KAT7: variants seen among roughly 807,000 people sequenced by gnomAD.
KAT7 encodes lysine acetyltransferase 7.
Under a neutral mutation model 82.1 loss-of-function variants are expected in KAT7, and 10 were observed. The observed-to-expected ratio is 0.12, with a 90% CI of 0.08 to 0.21. KAT7 has a LOEUF of 0.21. Ranked by LOEUF, KAT7 falls within the 10% of genes least tolerant of loss-of-function variation. The pLI is 1.00. For synonymous variants in KAT7, 250 were observed against 262.5 expected (o/e 0.95, Z 0.46); for missense variants, 378 against 760.9 (o/e 0.50, Z 5.92).
In KAT7 at chr17:49,832,147, G is replaced by A. The variant is rs1487920580; in HGVS notation, c.*4645G>A. ...ATTTTTGTATTTTTAGTAGAGATGA[G>A]GTTTTGCCCTGTTGGCTAGGTTGGT... On this transcript the variant is annotated 3_prime_UTR_variant, in exon 15 of 15. Transcript: ENST00000259021. 6.6e-6 allele frequency: 1 copy of A among 151,682 alleles called. No homozygotes were observed. Among genetic ancestry groups the A allele is most frequent in the Non-Finnish European group, 1.5e-5 (1 of 68,022 alleles). 9.4% of individuals were successfully genotyped at this position (151,682 alleles called of 1,614,324 possible). A position where few individuals can be genotyped will look rare whatever the true frequency, so the allele number is the denominator to read the frequency against.
At position 49,791,747 on chromosome 17, in the gene KAT7, G is replaced by A. The variant is rs1010761060; in HGVS notation, c.16-139G>A. On this transcript the variant is annotated intron_variant, in intron 1 of 14. Transcript: ENST00000259021. Reference sequence around the variant, plus strand: ...AGTGAAGTTGCCTGAGGGGGTGGGAGGATGAGAAATGCTTGTGGAATCCTT... The same window carrying A: ...AGTGAAGTTGCCTGAGGGGGTGGGAAGATGAGAAATGCTTGTGGAATCCTT... 3.9e-6 allele frequency: 3 copies of A among 764,018 alleles called. No individual in the cohort carries two copies. The Admixed American group carries it at 6.6e-5, about 17-fold the overall frequency. The allele number at this position is 764,018 out of a possible 1,614,324, so 47.3% of individuals were successfully genotyped here.
At chr17:49,827,185 G>A (rs1030715643) in intron 14 of KAT7, 13 of 544,824 alleles carry the variant, frequency 2.4e-5, no homozygotes, top group Non-Finnish European at 4.2e-5. Context: ...AATAAAGGTC[G>A]GTGAGCGATG....
rs545399595 is a variant in KAT7, at chr17:49,805,148, A to G, written c.581-215A>G. Among the ~76,000 whole-genome samples the G allele has an allele frequency of 4.6e-4, 70 of 152,334 alleles. No individual in the cohort carries two copies. In the South Asian group the frequency reaches 0.014, roughly 31 times the overall value. On this transcript the variant is annotated intron_variant, in intron 4 of 14. Transcript: ENST00000259021. ...AAGAATTATAGTTTATATTGATCAT[A>G]CATAAGCATGTTCAAAGACTGCCAG...
At chr17:49,822,946 ACTCT>A (rs2074324369) in intron 11 of KAT7, among the ~76,000 whole-genome samples, 1 of 152,000 alleles carries the variant, frequency 6.6e-6, no homozygotes, top group African/African-American at 2.4e-5. Context: ...TTCTTGCCCT[ACTCT>A]GTGGCTGTCA....
chr17:49,819,344 C>T (rs565688507), intron 9 of KAT7, among the ~76,000 whole-genome samples: 14 of 152,074 alleles, frequency 9.2e-5, no homozygotes, highest in African/African-American at 2.9e-4. Flanking sequence ...TGATTGGCGG[C>T]GATTGGTAGA....
chr17:49,826,242 C>A, intron 13 of KAT7, 96 bp downstream of exon 13: 2 of 1,259,218 alleles, frequency 1.6e-6, no homozygotes, highest in Non-Finnish European at 2.3e-6. Flanking sequence ...GGAAGGCCCA[C>A]TGAATATGGA....
At chr17:49,798,187 C>G in intron 3 of KAT7, 132 bp from the exon 4 acceptor site, 1 of 742,970 alleles carries the variant, frequency 1.3e-6, no homozygotes, top group Non-Finnish European at 2.2e-6. Context: ...ATTTAGCCAT[C>G]TAGCAGATGA....
In KAT7 at chr17:49,811,083, A is replaced by T. The variant is rs528059098; in HGVS notation, c.754-393A>T. 6.6e-5 allele frequency among the ~76,000 whole-genome samples: 10 copies of T among 151,226 alleles called. No individual in the cohort carries two copies. The East Asian group carries it at 1.9e-3, about 29-fold the overall frequency. ...TTTCTGGCATTTTTTTCTCTTTAAA[A>T]TTTTTTTACATGTTTTGGTACCTTC... On this transcript the variant is annotated intron_variant, in intron 6 of 14. Coordinates refer to ENST00000259021, the MANE Select transcript of KAT7 (RefSeq NM_007067.5).
chr17:49,804,468 G>A (rs539218609), intron 4 of KAT7, among the ~76,000 whole-genome samples: 132 of 151,886 alleles, frequency 8.7e-4, no homozygotes, highest in Non-Finnish European at 1.6e-3. Flanking sequence ...ACATTTTTAC[G>A]TCTTCAGAAG....
At chr17:49,792,996 A>G (rs2073909553) in intron 2 of KAT7, among the ~76,000 whole-genome samples, 1 of 152,004 alleles carries the variant, frequency 6.6e-6, no homozygotes, top group Non-Finnish European at 1.5e-5. Flanking sequence ...TGTTTTTTGT[A>G]GAGATGAGGT....
At chr17:49,799,321 C>T (rs1486343676) in intron 4 of KAT7, among the ~76,000 whole-genome samples, 3 of 152,274 alleles carry the variant, frequency 2.0e-5, no homozygotes, top group Non-Finnish European at 2.9e-5. Flanking sequence ...TTTGAAAAAC[C>T]GTAGAACAGA....
intron 12 of KAT7, among the ~76,000 whole-genome samples, chr17:49,825,278 G>A (rs757555051): frequency 9.9e-5 from 15 of 152,130 alleles, no homozygotes; most frequent in Non-Finnish European, 1.9e-4. Flanking sequence ...TTTACACCCC[G>A]CACTATCTCA....
In KAT7 at chr17:49,809,163, G is replaced by A. The variant is rs547575711; in HGVS notation, c.708G>A (p.Leu236=). The part of the protein sequence containing the change: ...SRDKQIEERM[L]SHRQDDNNRH... ...ATAAGCAGATAGAAGAAAGGATGCT[G>A]TCTCACAGGCAAGATGACAACAACA... Residue 236 remains leucine, a synonymous_variant, in exon 6 of 15, where the codon CTG becomes CTA. Coordinates refer to ENST00000259021, the MANE Select transcript of KAT7 (RefSeq NM_007067.5). 6.2e-7 allele frequency: 1 copy of A among 1,614,146 alleles called. No individual in the cohort carries two copies. Among genetic ancestry groups the A allele is most frequent in the South Asian group, 1.1e-5 (1 of 91,078 alleles).
At chr17:49,801,899 C>T (rs1411508616) in intron 4 of KAT7, among the ~76,000 whole-genome samples, 2 of 152,200 alleles carry the variant, frequency 1.3e-5, no homozygotes, top group Non-Finnish European at 2.9e-5. Flanking sequence ...GCCCTTAACT[C>T]ATACCCGCAG....
At chr17:49,808,125 T>C (rs907422235) in intron 5 of KAT7, among the ~76,000 whole-genome samples, 18 of 146,858 alleles carry the variant, frequency 1.2e-4, no homozygotes, top group South Asian at 2.2e-4. Context: ...GTTTTCTTTT[T>C]TTTTTTTTTT....
intron 1 of KAT7, among the ~76,000 whole-genome samples, chr17:49,791,115 A>G (rs760161957): frequency 1.3e-5 from 2 of 152,250 alleles, no homozygotes; most frequent in Admixed American, 1.3e-4. Flanking sequence ...GATAGATGGC[A>G]TACGCACTAA....
At chr17:49,815,649 G>A in intron 7 of KAT7, 154 bp from the exon 8 acceptor site, 1 of 533,586 alleles carries the variant, frequency 1.9e-6, no homozygotes, top group Non-Finnish European at 3.3e-6. Flanking sequence ...AACCTGATAA[G>A]TAGTATGTCT....
intron 1 of KAT7, chr17:49,789,113 A>G (rs1041970917): frequency 5.6e-6 from 2 of 357,126 alleles, no homozygotes; most frequent in Non-Finnish European, 1.0e-5. Flanking sequence ...CTGGAAGCAT[A>G]TTGATTGGCT....
chr17:49,798,610 A>T, intron 4 of KAT7, 52 bp downstream of exon 4: 1 of 1,532,866 alleles, frequency 6.5e-7, no homozygotes, highest in African/African-American at 1.4e-5. Flanking sequence ...TCTCTCTCCC[A>T]GGATCATCCA....
Sources: allele counts gnomAD v4.1 joint callset (sites outside exome capture counted in the v4.1 genomes callset), GRCh38; gene constraint gnomAD v4.1.1; transcripts MANE v1.5; gene names NCBI Gene and HGNC (gene_info 2026-07-23, HGNC 2026-07-21).